ZNF282: variants seen among roughly 807,000 people sequenced by gnomAD.
ZNF282 encodes the protein zinc finger protein 282, also known as HTLV-I U5 repressive element-binding protein 1.
In ZNF282, 30 loss-of-function variants were observed where a neutral mutation model predicts 61.9. The observed-to-expected ratio is 0.48, with a 90% CI of 0.36 to 0.66. The LOEUF (loss-of-function observed/expected upper bound fraction) is 0.66, where lower values mean the gene tolerates loss of function less well. Ranked by LOEUF, ZNF282 falls within the 30% of genes least tolerant of loss-of-function variation. The pLI is 0.00. For synonymous variants in ZNF282, 396 were observed against 405.0 expected (o/e 0.98, Z 0.27); for missense variants, 788 against 941.4 (o/e 0.84, Z 2.13).
intron 7 of ZNF282, among the ~76,000 whole-genome samples, chr7:149,215,519 G>T (rs1029247764): frequency 2.6e-5 from 4 of 152,180 alleles, no homozygotes; most frequent in Non-Finnish European, 5.9e-5. Context: ...TCTTGAAGGA[G>T]CTTAAACTTC....
intron 1 of ZNF282, among the ~76,000 whole-genome samples, chr7:149,196,807 C>G (rs1359410377): frequency 6.6e-6 from 1 of 152,144 alleles, no homozygotes; most frequent in South Asian, 2.1e-4. Flanking sequence ...GCACCTCTTA[C>G]TGGTATTACA....
intron 7 of ZNF282, 52 bp downstream of exon 7, chr7:149,213,866 G>A: frequency 2.2e-6 from 3 of 1,360,566 alleles, no homozygotes; most frequent in Non-Finnish European, 3.1e-6. Context: ...GAGCTGTACA[G>A]CTGAGGCGTG....
intron 1 of ZNF282, among the ~76,000 whole-genome samples, chr7:149,196,255 T>G (rs1352416945): frequency 1.3e-5 from 2 of 152,220 alleles, no homozygotes; most frequent in African/African-American, 4.8e-5. Context: ...ACTCTCCCCC[T>G]GCACCGGGTG....
At chr7:149,222,993 C>T (rs1406831668) in intron 7 of ZNF282, among the ~76,000 whole-genome samples, 2 of 147,412 alleles carry the variant, frequency 1.4e-5, no homozygotes, top group African/African-American at 2.5e-5. Flanking sequence ...GACAGAGTTT[C>T]GCTCTTGTTG....
At chr7:149,223,454 C>T (rs1301633136) in intron 7 of ZNF282, among the ~76,000 whole-genome samples, 1 of 152,042 alleles carries the variant, frequency 6.6e-6, no homozygotes, top group African/African-American at 2.4e-5. Flanking sequence ...TCTGGAAAAA[C>T]AAACAAACAA....
chr7:149,220,924 T>TTTTTG (rs751345213), intron 7 of ZNF282, among the ~76,000 whole-genome samples: 27,635 of 85,658 alleles, frequency 0.32, 3,054 homozygotes, highest in Middle Eastern at 0.42. Context: ...AGGGTTTTTT[T>TTTTTG]TTTTTTTTTT....
chr7:149,209,034 G>A (rs1433418595), intron 4 of ZNF282, among the ~76,000 whole-genome samples: 23 of 37,474 alleles, frequency 6.1e-4, no homozygotes, highest in Admixed American at 1.3e-3. Context: ...AAAAAAAAAA[G>A]AGGGCCGGGC....
chr7:149,210,589 A>G lies in ZNF282; in HGVS notation c.837A>G (p.Ala279=), dbSNP rs1262179268. 1.2e-6 allele frequency: 2 copies of G among 1,611,102 alleles called. No individual in the cohort carries two copies. Among genetic ancestry groups the G allele is most frequent in the Admixed American group, 3.4e-5 (2 of 59,546 alleles). ...AATGTCATTCTCTGTCCCCAGGAGC[A>G]GAGCCCCTGGTGCCTGCGCAGGATG... ...REIPMDPEAG[A]EPLVPAQDAS... The change falls in exon 5 of 8, where the codon GCA becomes GCG. Residue 279 remains alanine (A), a synonymous_variant. Coordinates refer to ENST00000610704, the MANE Select transcript of ZNF282 (RefSeq NM_003575.4).
chr7:149,202,038 C>T (rs1452921867), intron 2 of ZNF282, among the ~76,000 whole-genome samples: 1 of 152,146 alleles, frequency 6.6e-6, no homozygotes, highest in Non-Finnish European at 1.5e-5. Context: ...CCTTCTACAA[C>T]CATCCTATAT....
intron 2 of ZNF282, among the ~76,000 whole-genome samples, chr7:149,205,702 C>G (rs1292455005): frequency 1.3e-5 from 2 of 152,202 alleles, no homozygotes; most frequent in Non-Finnish European, 2.9e-5. Context: ...GTGCTGCCCA[C>G]TCACCATGCT....
At chr7:149,210,061 C>T (rs1475664045) in intron 4 of ZNF282, among the ~76,000 whole-genome samples, 1 of 152,190 alleles carries the variant, frequency 6.6e-6, no homozygotes, top group Non-Finnish European at 1.5e-5. Context: ...GGAGGTTCTG[C>T]ACTATCTGTC....
chr7:149,198,568 C>A lies in ZNF282; in HGVS notation c.401C>A (p.Ala134Asp). Residue 134 changes from alanine to aspartate, a missense_variant, in exon 2 of 8, where the codon GCC becomes GAC. Ala to Asp is a moderately radical substitution (Grantham distance 126). Coordinates refer to ENST00000610704, the MANE Select transcript of ZNF282 (RefSeq NM_003575.4). The surrounding 1 kb of genome is among the most constrained non-coding windows in gnomAD (Gnocchi z 4.3). ...GRTGTAEKKLADCEKTAVEFG... is the reference protein window; with the variant it reads ...GRTGTAEKKLDDCEKTAVEFG... Reference sequence around the variant, plus strand: ...ACGGGGACAGCCGAGAAGAAGCTGGCCGACTGTGAAAAGACGGCCGTGGAA... The same window carrying A: ...ACGGGGACAGCCGAGAAGAAGCTGGACGACTGTGAAAAGACGGCCGTGGAA... 6.2e-7 allele frequency: 1 copy of A among 1,614,160 alleles called. No individual in the cohort carries two copies.
At chr7:149,205,264 C>G (rs546798241) in intron 2 of ZNF282, among the ~76,000 whole-genome samples, 1 of 151,500 alleles carries the variant, frequency 6.6e-6, no homozygotes, top group South Asian at 2.1e-4. Flanking sequence ...ATGGCGAAAC[C>G]CCGTCTCTAC....
chr7:149,216,549 G>T (rs1252413834), intron 7 of ZNF282, among the ~76,000 whole-genome samples: 1 of 152,252 alleles, frequency 6.6e-6, no homozygotes, highest in Non-Finnish European at 1.5e-5. Context: ...CCCAAAGTGA[G>T]CCTGCTTCCT....
At chr7:149,217,124 C>A (rs981211779) in intron 7 of ZNF282, among the ~76,000 whole-genome samples, 1 of 152,200 alleles carries the variant, frequency 6.6e-6, no homozygotes, top group Non-Finnish European at 1.5e-5. Context: ...TTGAAATTCC[C>A]ACATTATTCA....
intron 5 of ZNF282, among the ~76,000 whole-genome samples, chr7:149,211,124 G>A (rs1406124375): frequency 6.6e-6 from 1 of 152,168 alleles, no homozygotes; most frequent in Non-Finnish European, 1.5e-5. Flanking sequence ...CTACCTCTGT[G>A]CCAGGCACCT....
chr7:149,213,072 C>T (rs1168504586), intron 6 of ZNF282, among the ~76,000 whole-genome samples: 1 of 152,196 alleles, frequency 6.6e-6, no homozygotes, highest in Non-Finnish European at 1.5e-5. Context: ...GAAGCCCCAC[C>T]TGCCCACGAC....
At chr7:149,195,963 T>A (rs1222759340) in intron 1 of ZNF282, among the ~76,000 whole-genome samples, 1 of 149,772 alleles carries the variant, frequency 6.7e-6, no homozygotes, top group African/African-American at 2.4e-5. Flanking sequence ...AGGGCAGGCC[T>A]GGCCCGCGCG....
At position 149,210,597 on chromosome 7, in the gene ZNF282, T is replaced by G. The variant is rs1204985784; in HGVS notation, c.845T>G (p.Leu282Arg). 2.7e-5 allele frequency: 43 copies of G among 1,611,448 alleles called. No individual in the cohort carries two copies. Among genetic ancestry groups the G allele is most frequent in the Non-Finnish European group, 3.4e-5 (40 of 1,179,072 alleles). ...TCTCTGTCCCCAGGAGCAGAGCCCCTGGTGCCTGCGCAGGATGCGTCCTCC... is the reference window on the plus strand; with the variant it reads ...TCTCTGTCCCCAGGAGCAGAGCCCCGGGTGCCTGCGCAGGATGCGTCCTCC... Reference protein sequence around the residue: ...PMDPEAGAEPLVPAQDASSQV... With the variant: ...PMDPEAGAEPRVPAQDASSQV... Residue 282 changes from leucine (L) to arginine (R), a missense_variant, in exon 5 of 8, where the codon CTG becomes CGG. By Grantham distance (102) the Leu-to-Arg change is moderately radical (BLOSUM62 -2). Around this residue, in one of 3 missense-constraint regions of ZNF282, gnomAD observed 559 missense variants for 642.0 expected, o/e 0.87. Transcript: ENST00000610704.
Sources: allele counts gnomAD v4.1 joint callset (sites outside exome capture counted in the v4.1 genomes callset), GRCh38; gene constraint gnomAD v4.1.1; regional missense constraint gnomAD v4.1.1; non-coding constraint Gnocchi (gnomAD v3.1); transcripts MANE v1.5; gene names NCBI Gene and HGNC (gene_info 2026-07-23, HGNC 2026-07-21).